Variants in CEP41 observed in about 807,000 individuals in gnomAD.
CEP41 encodes centrosomal protein 41, also known as centrosomal protein of 41 kDa.
A neutral mutation model predicts 44.3 loss-of-function variants in CEP41; 32 were observed. The ratio of observed to expected loss-of-function variants is 0.72; its 90% CI spans 0.54 to 0.97. The LOEUF (loss-of-function observed/expected upper bound fraction) is 0.97. Ranked by LOEUF, CEP41 falls within the 50% of genes least tolerant of loss-of-function variation. The pLI, the probability that CEP41 is intolerant of heterozygous loss-of-function variation, is 0.00. For missense variants in CEP41, 432 were observed against 455.2 expected (o/e 0.95, Z 0.46); for synonymous variants, 151 against 168.5 (o/e 0.90, Z 0.80).
chr7:130,436,719 C>CA (rs1261262357), intron 1 of CEP41, among the ~76,000 whole-genome samples: 1 of 150,866 alleles, frequency 6.6e-6, no homozygotes, highest in African/African-American at 2.4e-5. Flanking sequence ...TACAACAGAG[C>CA]AAAAAACAGA....
intron 1 of CEP41, 100 bp downstream of exon 1, chr7:130,440,834 T>C: frequency 1.2e-6 from 1 of 804,290 alleles, no homozygotes; most frequent in Non-Finnish European, 1.7e-6. Context: ...CCTTCCCGCC[T>C]TCCGGGCGGC....
At chr7:130,400,000 G>T in intron 10 of CEP41, 39 bp downstream of exon 10, 1 of 1,367,930 alleles carries the variant, frequency 7.3e-7, no homozygotes, top group Non-Finnish European at 1.0e-6. Context: ...ATTCAAAGCT[G>T]CAAACCAAAC....
chr7:130,441,011 G>T lies in CEP41; in HGVS notation c.-45C>A. On this transcript the variant is annotated 5_prime_UTR_variant, in exon 1 of 11. Coordinates refer to ENST00000223208, the MANE Select transcript of CEP41 (RefSeq NM_018718.3). ...GTTCGGGGTTCTAGCCTCACGGGTT[G>T]CCTCTAACCCTAGCTTCCTACCCCC... The T allele has an allele frequency of 1.9e-6, 3 of 1,603,744 alleles. No individual in the cohort carries two copies. The highest frequency in any genetic ancestry group is 2.6e-6 in the Non-Finnish European group (3 of 1,173,386).
chr7:130,429,054 C>T (rs1797751089), intron 1 of CEP41, among the ~76,000 whole-genome samples: 1 of 152,144 alleles, frequency 6.6e-6, no homozygotes, highest in South Asian at 2.1e-4. Context: ...TTAAGATGAC[C>T]AAAGGCAGTT....
rs1562972366 is a variant in CEP41, at chr7:130,396,079, CTTCT to C, written c.*2808_*2811del. 8.8e-6 allele frequency: 4 copies of C among 453,848 alleles called. No individual in the cohort carries two copies. The highest frequency in any genetic ancestry group is 6.2e-5 in the South Asian group (4 of 64,454). The allele number at this position is 453,848 out of a possible 1,614,324, so 28.1% of individuals were successfully genotyped here. On this transcript the variant is annotated 3_prime_UTR_variant, in exon 11 of 11. Transcript: ENST00000223208. Reference sequence around the variant, plus strand: ...GCCCTCCCTTCTTCCCATTTCCTTGCTTCTTTCTCCCTTCCTTTCTTTTTTTCTT... The same window carrying C: ...GCCCTCCCTTCTTCCCATTTCCTTGCTTCTCCCTTCCTTTCTTTTTTTCTT...
chr7:130,414,293 C>T (rs1797271477), intron 3 of CEP41, among the ~76,000 whole-genome samples: 1 of 152,202 alleles, frequency 6.6e-6, no homozygotes, highest in South Asian at 2.1e-4. Context: ...ACTTCTAAAA[C>T]CTGCCGGGAT....
intron 1 of CEP41, 164 bp downstream of exon 1, chr7:130,440,770 C>T: frequency 1.4e-6 from 1 of 699,556 alleles, no homozygotes; most frequent in South Asian, 1.6e-5. Context: ...TGCCCCGCGG[C>T]CCCCAAGCCC....
At chr7:130,411,251 T>G (rs994797994) in intron 4 of CEP41, 60 bp from the exon 5 acceptor site, 4 of 1,400,726 alleles carry the variant, frequency 2.9e-6, no homozygotes, top group Non-Finnish European at 4.0e-6. Context: ...GACGCAATTT[T>G]GTCTTTTACA....
rs78593254 is a variant in CEP41, at chr7:130,439,573, C to T, written c.33+1361G>A. ...GCTCTGGTAACCACCATTTTATTCT[C>T]TACTTCTATGAGCTGGACTTTTTAA... On this transcript the variant is annotated intron_variant, in intron 1 of 10. Transcript: ENST00000223208. Among the ~76,000 whole-genome samples the T allele has an allele frequency of 4.1e-4, 63 of 152,238 alleles. 1 individual carries two copies. The East Asian group carries it at 0.012, about 28-fold the overall frequency.
chr7:130,414,555 T>C (rs1554420477), intron 3 of CEP41, among the ~76,000 whole-genome samples: 1 of 152,242 alleles, frequency 6.6e-6, no homozygotes, highest in African/African-American at 2.4e-5. Flanking sequence ...AAATCTCCTT[T>C]AACTAAACAA....
chr7:130,407,603 C>T (rs1797054343), intron 5 of CEP41, among the ~76,000 whole-genome samples: 1 of 152,056 alleles, frequency 6.6e-6, no homozygotes. Context: ...AAAGGGAGAA[C>T]TACTGAGTAT....
chr7:130,418,785 A>T (rs1431348969), intron 2 of CEP41, among the ~76,000 whole-genome samples: 1 of 152,230 alleles, frequency 6.6e-6, no homozygotes, highest in Non-Finnish European at 1.5e-5. Flanking sequence ...CTTCCTTAAT[A>T]GTGAGAGGTG....
chr7:130,421,784 G>GA (rs1797516584), intron 2 of CEP41: 2 of 1,251,000 alleles, frequency 1.6e-6, no homozygotes, highest in East Asian at 6.2e-5. Flanking sequence ...TGCAGCCAAT[G>GA]AAAGACTGTG....
rs180732834 is a variant in CEP41, at chr7:130,422,011, T to C, written c.98-5045A>G. 355 of 1,535,914 alleles carry C rather than the reference T, an allele frequency of 2.3e-4. 3 individuals are homozygous for C. The African/African-American group carries it at 4.1e-3, about 18-fold the overall frequency. ...CTGGTAAGATACACACAGGCACCTA[T>C]GGAACAAAAGAAATATTTGAAGTTC... On this transcript the variant is annotated intron_variant, in intron 2 of 10. Transcript: ENST00000223208.
chr7:130,402,023 A>T, intron 7 of CEP41, 75 bp from the exon 8 acceptor site: 1 of 987,438 alleles, frequency 1.0e-6, no homozygotes. Context: ...CAGCTGGTTT[A>T]AAATCTAAGA....
chr7:130,417,480 A>C, intron 2 of CEP41: 1 of 341,478 alleles, frequency 2.9e-6, no homozygotes, highest in Non-Finnish European at 4.4e-6. Context: ...CTCACGTTGC[A>C]GTCTGAACTA....
At chr7:130,419,078 T>C (rs1324234814) in intron 2 of CEP41, 1 of 985,446 alleles carries the variant, frequency 1.0e-6, no homozygotes, top group Non-Finnish European at 1.2e-6. Context: ...ACACTTTATT[T>C]TGTATCAGCT....
chr7:130,439,095 C>A (rs533247712), intron 1 of CEP41, among the ~76,000 whole-genome samples: 4 of 152,306 alleles, frequency 2.6e-5, no homozygotes, highest in African/African-American at 9.6e-5. Flanking sequence ...ACCCCTAAGG[C>A]AGCAAGACCA....
intron 2 of CEP41, chr7:130,419,464 TCTGA>T: frequency 1.0e-6 from 1 of 984,772 alleles, no homozygotes; most frequent in African/African-American, 1.7e-5. Flanking sequence ...GAAGATAGTT[TCTGA>T]CTACCTTTTA....
Sources: gnomAD v4.1 joint callset for allele counts (sites outside exome capture counted in the v4.1 genomes callset) on GRCh38, gnomAD v4.1.1 for gene constraint, MANE v1.5 for transcripts, NCBI Gene and HGNC (gene_info 2026-07-23, HGNC 2026-07-21) for gene names.